The following BCL2L1 variants were observed in gnomAD, a reference collection of about 807,000 sequenced individuals.
The protein encoded by BCL2L1 is bcl-2-like protein 1.
Under a neutral mutation model 18.7 loss-of-function variants are expected in BCL2L1, and 1 was observed. The ratio of observed to expected loss-of-function variants is 0.05; its 90% CI spans 0.02 to 0.25. The LOEUF (loss-of-function observed/expected upper bound fraction) is 0.25. Among genes scored for constraint, BCL2L1 ranks in the 10% least tolerant of loss-of-function variants. BCL2L1 has a pLI of 1.00. For synonymous variants in BCL2L1, 103 were observed against 122.7 expected, an observed-to-expected ratio of 0.84 and a Z score of 1.06; for missense variants, 207 against 304.9, an observed-to-expected ratio of 0.68 and a Z score of 2.39.
intron 2 of BCL2L1, among the ~76,000 whole-genome samples, chr20:31,680,672 A>G (rs906521602): frequency 6.6e-6 from 1 of 152,252 alleles, no homozygotes; most frequent in Non-Finnish European, 1.5e-5. Flanking sequence ...ACACTCAGTC[A>G]TTCAACAAAT....
At chr20:31,688,986 C>T (rs2061009645) in intron 2 of BCL2L1, among the ~76,000 whole-genome samples, 1 of 152,018 alleles carries the variant, frequency 6.6e-6, no homozygotes, top group Non-Finnish European at 1.5e-5. Flanking sequence ...TCTTTGGATG[C>T]TGTTAAGCTA....
At chr20:31,673,863 T>C (rs544996582) in intron 2 of BCL2L1, among the ~76,000 whole-genome samples, 6 of 152,352 alleles carry the variant, frequency 3.9e-5, no homozygotes, top group African/African-American at 1.4e-4. Flanking sequence ...TGTGTGGCTC[T>C]GTCACCTGTA....
Position 31,698,736 on chromosome 20 carries a change from C to T in BCL2L1, c.564+22919G>A, listed in dbSNP as rs537892641. On this transcript the variant is annotated intron_variant, in intron 2 of 2. Coordinates refer to ENST00000307677, the MANE Select transcript of BCL2L1 (RefSeq NM_138578.3). ...GTATTTTTTTGTAGAGACAGAGTTTCGCCATGTTGCCCAGGCTGGTCTCAA... is the reference window on the plus strand; with the variant it reads ...GTATTTTTTTGTAGAGACAGAGTTTTGCCATGTTGCCCAGGCTGGTCTCAA... Among the ~76,000 whole-genome samples the T allele has an allele frequency of 1.2e-4, 18 of 152,148 alleles. No individual in the cohort carries two copies. The South Asian group carries it at 3.3e-3, about 28-fold the overall frequency.
upstream of BCL2L1, chr20:31,723,285 G>C: frequency 3.0e-6 from 3 of 985,782 alleles, no homozygotes; most frequent in Non-Finnish European, 3.6e-6. Flanking sequence ...TCCCCGCCCG[G>C]ACACAATGGC....
intron 2 of BCL2L1, among the ~76,000 whole-genome samples, chr20:31,676,459 G>A (rs2060763161): frequency 6.6e-6 from 1 of 152,114 alleles, no homozygotes; most frequent in African/African-American, 2.4e-5. Flanking sequence ...GTTCCTGGGT[G>A]GCTGCTATGT....
intron 2 of BCL2L1, among the ~76,000 whole-genome samples, chr20:31,705,488 C>T (rs2061357843): frequency 6.6e-6 from 1 of 152,156 alleles, no homozygotes; most frequent in Middle Eastern, 3.2e-3. Context: ...GATTCCAGAG[C>T]CCATACTTCC....
At chr20:31,677,182 A>T (rs1007302596) in intron 2 of BCL2L1, among the ~76,000 whole-genome samples, 8 of 139,550 alleles carry the variant, frequency 5.7e-5, no homozygotes, top group Non-Finnish European at 6.2e-5. Flanking sequence ...TCCTTATTTA[A>T]TTTTTTTTTT....
intron 2 of BCL2L1, among the ~76,000 whole-genome samples, chr20:31,675,962 A>G (rs867470254): frequency 1.3e-5 from 2 of 152,204 alleles, no homozygotes; most frequent in African/African-American, 4.8e-5. Flanking sequence ...TAGTTCTAAG[A>G]AGCTGTGCCT....
At chr20:31,681,218 T>A (rs1014876129) in intron 2 of BCL2L1, among the ~76,000 whole-genome samples, 1 of 152,206 alleles carries the variant, frequency 6.6e-6, no homozygotes, top group Non-Finnish European at 1.5e-5. Flanking sequence ...GACCTTGGTG[T>A]TAAATAGCGT....
rs1364181676 is a variant in BCL2L1 at position 31,664,497 on chromosome 20, C to G, written c.*1452G>C. On this transcript the variant is annotated 3_prime_UTR_variant, in exon 3 of 3. Transcript: ENST00000307677. ...ACAGTTTATTACTGAACTGCACTTT[C>G]ACCTTCACACAGACTATTTCAAAGA... is the stretch of plus-strand genomic sequence containing the variant. 5.5e-6 allele frequency: 1 copy of G among 181,456 alleles called. No homozygotes were observed. The highest frequency in any genetic ancestry group is 1.2e-5 in the Non-Finnish European group (1 of 84,742). 11.2% of individuals were successfully genotyped at this position (181,456 alleles called of 1,614,324 possible). A position where few individuals can be genotyped will look rare whatever the true frequency, so the allele number is the denominator to read the frequency against.
chr20:31,708,694 TG>T (rs765216155), intron 2 of BCL2L1, among the ~76,000 whole-genome samples: 2 of 152,256 alleles, frequency 1.3e-5, no homozygotes, highest in South Asian at 2.1e-4. Context: ...GGGGGCCTCT[TG>T]GGCAGGAGGT....
chr20:31,720,844 A>G, intron 2 of BCL2L1: 1 of 985,460 alleles, frequency 1.0e-6, no homozygotes, highest in African/African-American at 1.7e-5. Context: ...CTTTGCCAGC[A>G]AACAGTGCTT....
intron 2 of BCL2L1, among the ~76,000 whole-genome samples, chr20:31,697,890 C>CTTTTTTTTTTTTTTTTT (rs2061202499): frequency 1.3e-5 from 1 of 78,818 alleles, no homozygotes; most frequent in African/African-American, 1.2e-4. Flanking sequence ...TGTGCTGTTG[C>CTTTTTTTTTTTTTTTTT]TGTTTTTTTT....
At chr20:31,712,982 TATC>T (rs1373868730) in intron 2 of BCL2L1, among the ~76,000 whole-genome samples, 2 of 152,128 alleles carry the variant, frequency 1.3e-5, no homozygotes, top group African/African-American at 2.4e-5. Flanking sequence ...CTCCACCCTT[TATC>T]ATCAATTTCC....
intron 2 of BCL2L1, among the ~76,000 whole-genome samples, chr20:31,678,307 ACAGT>A (rs1211757483): frequency 6.6e-6 from 1 of 152,174 alleles, no homozygotes; most frequent in African/African-American, 2.4e-5. Flanking sequence ...TACTGGGCTG[ACAGT>A]CAGTGGATGT....
intron 2 of BCL2L1, among the ~76,000 whole-genome samples, chr20:31,684,502 G>A (rs1057432644): frequency 6.6e-6 from 1 of 151,378 alleles, no homozygotes; most frequent in Admixed American, 6.6e-5. Flanking sequence ...ACCCAGCTGA[G>A]CCCAGGGGAA....
intron 2 of BCL2L1, among the ~76,000 whole-genome samples, chr20:31,702,087 T>C (rs1475747126): frequency 6.6e-6 from 1 of 152,146 alleles, no homozygotes; most frequent in Non-Finnish European, 1.5e-5. Context: ...TACTTTAAAC[T>C]GAAGGTCAAG....
At chr20:31,716,621 G>T (rs1448471471) in intron 2 of BCL2L1, 1 of 152,154 alleles carries the variant, frequency 6.6e-6, no homozygotes, top group Non-Finnish European at 1.5e-5. Flanking sequence ...CTTCAATTAG[G>T]TATCTGCTAT....
intron 2 of BCL2L1, among the ~76,000 whole-genome samples, chr20:31,679,242 C>T (rs1600785206): frequency 6.6e-6 from 1 of 152,190 alleles, no homozygotes; most frequent in East Asian, 1.9e-4. Context: ...GTGCTGTTCA[C>T]AGTCAATACC....
Sources: gnomAD v4.1 joint callset for allele counts (sites outside exome capture counted in the v4.1 genomes callset) on GRCh38, gnomAD v4.1.1 for gene constraint, MANE v1.5 for transcripts, NCBI Gene and HGNC (gene_info 2026-07-23, HGNC 2026-07-21) for gene names.